TCN1: variants seen among roughly 807,000 people sequenced by gnomAD.
The protein encoded by TCN1 is transcobalamin-1.
A neutral mutation model predicts 46.3 loss-of-function variants in TCN1; 47 were observed. The ratio of observed to expected loss-of-function variants is 1.01; its 90% CI spans 0.80 to 1.29. The LOEUF is 1.29. Among genes scored for constraint, TCN1 ranks in the 50% most tolerant of loss-of-function variants. TCN1 has a pLI of 0.00. For synonymous variants in TCN1, 183 were observed against 192.5 expected, an observed-to-expected ratio of 0.95 and a Z score of 0.41; for missense variants, 532 against 511.0, an observed-to-expected ratio of 1.04 and a Z score of -0.40.
At chr11:59,855,649 G>A (rs978932382) in intron 6 of TCN1, among the ~76,000 whole-genome samples, 1 of 152,180 alleles carries the variant, frequency 6.6e-6, no homozygotes, top group Non-Finnish European at 1.5e-5. Flanking sequence ...GGTCTGCCTT[G>A]TTAATGTTTG....
At chr11:59,865,011 G>T (rs1853057559) in intron 1 of TCN1, among the ~76,000 whole-genome samples, 1 of 152,118 alleles carries the variant, frequency 6.6e-6, no homozygotes, top group Admixed American at 6.6e-5. Context: ...AATTGTGGCT[G>T]TTAACACTTA....
At chr11:59,855,153 A>C (rs1301640346) in intron 6 of TCN1, among the ~76,000 whole-genome samples, 1 of 152,160 alleles carries the variant, frequency 6.6e-6, no homozygotes, top group East Asian at 1.9e-4. Context: ...ACAGCATACA[A>C]TAATGCTTGT....
At chr11:59,865,567 G>A (rs1853064208) in intron 1 of TCN1, among the ~76,000 whole-genome samples, 1 of 152,084 alleles carries the variant, frequency 6.6e-6, no homozygotes, top group Admixed American at 6.6e-5. Flanking sequence ...GTACCACCTA[G>A]TAATCTTTGG....
chr11:59,860,634 T>G lies in TCN1; in HGVS notation c.556+893A>C, dbSNP rs78157647. 8.4e-3 allele frequency among the ~76,000 whole-genome samples: 1,278 copies of G among 152,260 alleles called. 13 individuals carry two copies. Among genetic ancestry groups the G allele is most frequent in the African/African-American group, 0.029 (1,208 of 41,528 alleles). On this transcript the variant is annotated intron_variant, in intron 4 of 8. Transcript: ENST00000257264. ...CTAAGAGGCTGAATCAAATAAACTG[T>G]CTTTGTAAGGCTCTCAAGGGTTTCA...
Position 59,861,575 on chromosome 11 carries a change from A to G in TCN1, c.508T>C (p.Phe170Leu), listed in dbSNP as rs1299088433. 6.2e-7 allele frequency: 1 copy of G among 1,614,122 alleles called. No individual in the cohort carries two copies. Among genetic ancestry groups the G allele is most frequent in the South Asian group, 1.1e-5 (1 of 91,078 alleles). Residue 170 changes from phenylalanine to leucine, a missense_variant, in exon 4 of 9, where the codon TTC becomes CTC. By Grantham distance (22) the Phe-to-Leu change is conservative. Transcript: ENST00000257264. ...TAATAGTTTTTATTTTCAGGAGTGA[A>G]GTGGTTGACAACTTCGGCGGTTGAG... is the stretch of plus-strand genomic sequence containing the variant. ...NYSTAEVVNHFTPENKNYYFG... is the reference protein window; with the variant it reads ...NYSTAEVVNHLTPENKNYYFG...
chr11:59,853,173 A>T, intron 8 of TCN1, 30 bp downstream of exon 8: 1 of 1,612,858 alleles, frequency 6.2e-7, no homozygotes, highest in East Asian at 2.2e-5. Flanking sequence ...CATTTTTAGC[A>T]TGGGTCTTTT....
rs200554043 is a variant in TCN1 at position 59,861,586 on chromosome 11, A to G, written c.497T>C (p.Val166Ala). 15 of 1,614,182 alleles carry G rather than the reference A, an allele frequency of 9.3e-6. No homozygotes were observed. Among genetic ancestry groups the G allele is most frequent in the Admixed American group, 3.3e-5 (2 of 60,028 alleles). ...ATTTTCAGGAGTGAAGTGGTTGACA[A>G]CTTCGGCGGTTGAGTAGTTCCCATT... ...LFNGNYSTAE[V>A]VNHFTPENKN... is the part of the protein sequence containing the mutation. Residue 166 changes from valine to alanine, a missense_variant, in exon 4 of 9, where the codon GTT becomes GCT. Coordinates refer to ENST00000257264, the MANE Select transcript of TCN1 (RefSeq NM_001062.4).
At chr11:59,866,208 T>A (rs1172616371) in intron 1 of TCN1, among the ~76,000 whole-genome samples, 184 bp downstream of exon 1, 1 of 152,160 alleles carries the variant, frequency 6.6e-6, no homozygotes, top group African/African-American at 2.4e-5. Flanking sequence ...TAATTCCTCT[T>A]ACAACAACAT....
chr11:59,858,984 A>G, intron 5 of TCN1, 93 bp downstream of exon 5: 1 of 1,427,120 alleles, frequency 7.0e-7, no homozygotes. Context: ...AGCCTGGGCA[A>G]CAAGAGCGAA....
In TCN1 at chr11:59,852,951, G is replaced by A; in HGVS notation, c.*24C>T. ...GAACTCCACTGCAAATGGATTTTAT[G>A]CAGCTGAGGAAAGTTTGGGCTTATT... is the stretch of plus-strand genomic sequence containing the variant. On this transcript the variant is annotated 3_prime_UTR_variant, in exon 9 of 9. Transcript: ENST00000257264. The A allele has an allele frequency of 3.1e-6, 5 of 1,611,468 alleles. No homozygotes were observed. In the South Asian group the frequency reaches 4.4e-5, roughly 14 times the overall value.
In TCN1 at chr11:59,855,868, C is replaced by T. The variant is rs1468628901; in HGVS notation, c.937+1G>A. ...CAGTGTGCTCTCTTTAATGCTTATACCTGAAGCAGAGACGCAAGAAGAGTC... is the reference window on the plus strand; with the variant it reads ...CAGTGTGCTCTCTTTAATGCTTATATCTGAAGCAGAGACGCAAGAAGAGTC... On this transcript the variant is annotated splice_donor_variant, in intron 6 of 8. Transcript: ENST00000257264. LOFTEE classifies it high-confidence loss of function. 1 of 1,613,552 alleles carries T rather than the reference C, an allele frequency of 6.2e-7. No homozygotes were observed. Among genetic ancestry groups the T allele is most frequent in the Non-Finnish European group, 8.5e-7 (1 of 1,179,706 alleles).
At chr11:59,857,042 A>G (rs1274339286) in intron 5 of TCN1, among the ~76,000 whole-genome samples, 4 of 152,160 alleles carry the variant, frequency 2.6e-5, no homozygotes, top group Non-Finnish European at 5.9e-5. Flanking sequence ...GGAGGTTCTT[A>G]AGCTAACCAA....
chr11:59,859,892 A>G (rs568932864), intron 4 of TCN1, among the ~76,000 whole-genome samples: 2 of 152,326 alleles, frequency 1.3e-5, no homozygotes, highest in South Asian at 2.1e-4. Context: ...CTGCAAAGAT[A>G]TGTCTGCTGC....
chr11:59,859,203 G>C lies in TCN1; in HGVS notation c.621C>G (p.Ile207Met). ...TCTTTAAACTGCCTTCATCTGCTTT[G>C]ATCTGCCCATTTATTAGACTCTTCT... is the stretch of plus-strand genomic sequence containing the variant. ...CVKKSLINGQ[I>M]KADEGSLKNI... is the part of the protein sequence containing the mutation. The change falls in exon 5 of 9, where the codon ATC becomes ATG. Residue 207 changes from isoleucine to methionine, a missense_variant. Ile to Met is a conservative substitution (Grantham distance 10, BLOSUM62 1). Coordinates refer to ENST00000257264, the MANE Select transcript of TCN1 (RefSeq NM_001062.4). 1 of 1,613,826 alleles carries C rather than the reference G, an allele frequency of 6.2e-7. No individual in the cohort carries two copies.
chr11:59,858,972 C>G, intron 5 of TCN1, 105 bp downstream of exon 5: 2 of 1,350,402 alleles, frequency 1.5e-6, no homozygotes, highest in Non-Finnish European at 2.1e-6. Flanking sequence ...CATTGCAACT[C>G]CAGCCTGGGC....
At chr11:59,857,712 T>C (rs1852962312) in intron 5 of TCN1, among the ~76,000 whole-genome samples, 1 of 152,126 alleles carries the variant, frequency 6.6e-6, no homozygotes, top group African/African-American at 2.4e-5. Context: ...CCCTTAGAGT[T>C]TGTAAATCAA....
intron 7 of TCN1, 90 bp downstream of exon 7, chr11:59,854,562 A>C: frequency 7.2e-7 from 1 of 1,396,606 alleles, no homozygotes; most frequent in Non-Finnish European, 1.0e-6. Context: ...AGCATTTTAA[A>C]TATACTTTGT....
chr11:59,855,168 T>C (rs1852917355), intron 6 of TCN1, among the ~76,000 whole-genome samples: 1 of 152,198 alleles, frequency 6.6e-6, no homozygotes, highest in South Asian at 2.1e-4. Context: ...GCTTGTCTTT[T>C]CTCCTTTTTA....
chr11:59,861,748 A>T (rs1042879521), intron 3 of TCN1, 66 bp from the exon 4 acceptor site: 1 of 1,533,022 alleles, frequency 6.5e-7, no homozygotes, highest in African/African-American at 1.4e-5. Context: ...TTTTCCATCT[A>T]TTCCTACTTA....
Sources: allele counts gnomAD v4.1 joint callset (sites outside exome capture counted in the v4.1 genomes callset), GRCh38; gene constraint gnomAD v4.1.1; transcripts MANE v1.5; gene names NCBI Gene and HGNC (gene_info 2026-07-23, HGNC 2026-07-21).